SYN3: variants seen among roughly 807,000 people sequenced by gnomAD.
SYN3 encodes the protein synapsin III.
In SYN3, 35 loss-of-function variants were observed where a neutral mutation model predicts 65.8. The observed-to-expected ratio is 0.53, with a 90% CI of 0.41 to 0.70. SYN3 has a LOEUF of 0.70. Among genes scored for constraint, SYN3 ranks in the 30% least tolerant of loss-of-function variants. The pLI is 0.00. For synonymous variants in SYN3, 270 were observed against 292.9 expected, an observed-to-expected ratio of 0.92 and a Z score of 0.80; for missense variants, 680 against 749.0, an observed-to-expected ratio of 0.91 and a Z score of 1.08.
intron 3 of SYN3, among the ~76,000 whole-genome samples, chr22:32,943,048 C>A (rs147893461): frequency 0.012 from 1,863 of 152,280 alleles, 52 homozygotes; most frequent in African/African-American, 0.042. Flanking sequence ...GAGAACTTCC[C>A]AAACCTAGCA....
intron 9 of SYN3, among the ~76,000 whole-genome samples, chr22:32,537,834 A>G (rs982609925): frequency 6.6e-6 from 1 of 152,188 alleles, no homozygotes; most frequent in Non-Finnish European, 1.5e-5. Context: ...TTCTTCTCCC[A>G]TCTGTAAAAT....
chr22:32,870,544 T>C (rs2048821432), intron 4 of SYN3, among the ~76,000 whole-genome samples: 1 of 152,220 alleles, frequency 6.6e-6, no homozygotes, highest in Admixed American at 6.5e-5. Flanking sequence ...ATAAGATAGA[T>C]CCTAAGAAGT....
chr22:32,870,878 T>C (rs241905), intron 4 of SYN3, among the ~76,000 whole-genome samples: 29,638 of 152,160 alleles, frequency 0.19, 3,114 homozygotes, highest in South Asian at 0.43. Flanking sequence ...CAGTTTCCTA[T>C]TGAGGTGAGT....
chr22:32,700,573 T>C (rs925221409), intron 6 of SYN3, among the ~76,000 whole-genome samples: 13 of 152,302 alleles, frequency 8.5e-5, no homozygotes, highest in East Asian at 7.7e-4. Flanking sequence ...CCAACAGCTA[T>C]TGTCCCTTTC....
At chr22:32,780,068 C>CAAAAAA (rs130536) in intron 6 of SYN3, among the ~76,000 whole-genome samples, 5 of 72,590 alleles carry the variant, frequency 6.9e-5, no homozygotes, top group Non-Finnish European at 1.2e-4. Flanking sequence ...GATTCTGTCT[C>CAAAAAA]AAAAAAAAAA....
chr22:32,513,897 C>T, intron 13 of SYN3, 73 bp from the exon 14 acceptor site: 1 of 1,584,510 alleles, frequency 6.3e-7, no homozygotes. Context: ...TGGGGGCTTG[C>T]CTGTAAGCCA....
intron 3 of SYN3, among the ~76,000 whole-genome samples, chr22:32,955,193 C>T (rs900088525): frequency 1.3e-5 from 2 of 152,156 alleles, no homozygotes; most frequent in Non-Finnish European, 2.9e-5. Context: ...TCCAAGAATA[C>T]GGCCACCTTT....
chr22:33,031,943 TCAC>T (rs1342447943), intron 1 of SYN3, among the ~76,000 whole-genome samples: 4 of 152,092 alleles, frequency 2.6e-5, no homozygotes, highest in Non-Finnish European at 5.9e-5. Flanking sequence ...GCATGGAGGA[TCAC>T]GCCTGTCATC....
chr22:32,649,952 A>AAAAG (rs1204561921), intron 6 of SYN3, among the ~76,000 whole-genome samples: 1 of 152,158 alleles, frequency 6.6e-6, no homozygotes, highest in Non-Finnish European at 1.5e-5. Flanking sequence ...AGCCAGGAGA[A>AAAAG]AAAGCTGATG....
intron 1 of SYN3, chr22:33,015,298 T>C: frequency 1.6e-6 from 1 of 644,594 alleles, no homozygotes; most frequent in Non-Finnish European, 2.4e-6. Context: ...AAACGGCGTT[T>C]GAACAACATT....
chr22:33,040,579 T>G (rs2053945785), intron 1 of SYN3, among the ~76,000 whole-genome samples: 1 of 152,196 alleles, frequency 6.6e-6, no homozygotes, highest in African/African-American at 2.4e-5. Flanking sequence ...ATGTCTGATA[T>G]GGTTAGGCTT....
chr22:32,889,575 T>C (rs2049386301), intron 4 of SYN3, among the ~76,000 whole-genome samples: 1 of 152,210 alleles, frequency 6.6e-6, no homozygotes, highest in Non-Finnish European at 1.5e-5. Context: ...TACACGTCAA[T>C]GTGTTCCCTC....
intron 1 of SYN3, among the ~76,000 whole-genome samples, chr22:33,008,935 AAAAAAAAAAAAAAAAAAAAAAAAAAAAAG>A (rs1416731444): frequency 4.2e-4 from 31 of 74,078 alleles, no homozygotes; most frequent in African/African-American, 5.5e-4. Context: ...AAAAAAAAAA[AAAAAAAAAAAAAAAAAAAAAAAAAAAAAG>A]AGAGAGAGAG....
intron 7 of SYN3, among the ~76,000 whole-genome samples, chr22:32,559,921 C>T (rs2058561715): frequency 6.6e-6 from 1 of 152,136 alleles, no homozygotes; most frequent in Non-Finnish European, 1.5e-5. Flanking sequence ...TGAGTGGGCT[C>T]AAGCCTGTGC....
intron 7 of SYN3, among the ~76,000 whole-genome samples, chr22:32,565,345 A>G (rs1047343707): frequency 2.0e-5 from 3 of 152,250 alleles, no homozygotes; most frequent in Non-Finnish European, 4.4e-5. Context: ...AGTCACATGT[A>G]TAATTACAAG....
Position 32,801,818 on chromosome 22 carries a change from G to A in SYN3, c.711+63097C>T. 1 of 624,742 alleles carries A rather than the reference G, an allele frequency of 1.6e-6. No individual in the cohort carries two copies. Among genetic ancestry groups the A allele is most frequent in the Non-Finnish European group, 2.2e-6 (1 of 460,298 alleles). The allele number at this position is 624,742 out of a possible 1,614,324, so 38.7% of individuals were successfully genotyped here. A position where few individuals can be genotyped will look rare whatever the true frequency, so the allele number is the denominator to read the frequency against. ...GCCCGCCGAGTCCTGCGCCAGCGCC[G>A]AGGCAGCCTCGCTGCGCCCCATCCC... On this transcript the variant is annotated intron_variant, in intron 6 of 13. Transcript: ENST00000358763. The surrounding 1 kb of genome is among the most constrained non-coding windows in gnomAD (Gnocchi z 4.7).
intron 7 of SYN3, among the ~76,000 whole-genome samples, chr22:32,560,849 G>A (rs2058576727): frequency 6.6e-6 from 1 of 152,154 alleles, no homozygotes; most frequent in Admixed American, 6.5e-5. Flanking sequence ...TTTCATCATA[G>A]AATCCCCATG....
intron 6 of SYN3, among the ~76,000 whole-genome samples, chr22:32,717,173 C>CA (rs1273961852): frequency 2.6e-5 from 4 of 152,192 alleles, no homozygotes; most frequent in African/African-American, 9.6e-5. Flanking sequence ...CTTGAGTCCA[C>CA]AGAGCTAGCA....
intron 6 of SYN3, among the ~76,000 whole-genome samples, chr22:32,631,906 A>G (rs1397253748): frequency 6.6e-6 from 1 of 152,188 alleles, no homozygotes; most frequent in Non-Finnish European, 1.5e-5. Flanking sequence ...GAGCCCTTTT[A>G]TGTCACCAAA....
Sources: gnomAD v4.1 joint callset for allele counts (sites outside exome capture counted in the v4.1 genomes callset) on GRCh38, gnomAD v4.1.1 for gene constraint, Gnocchi (gnomAD v3.1) non-coding constraint, MANE v1.5 for transcripts, NCBI Gene and HGNC (gene_info 2026-07-23, HGNC 2026-07-21) for gene names.